EXT1: variants seen among roughly 807,000 people sequenced by gnomAD.
EXT1 encodes exostosin-1.
In EXT1, 20 loss-of-function variants were observed where a neutral mutation model predicts 82.5. The observed-to-expected ratio is 0.24, with a 90% CI of 0.17 to 0.35. The LOEUF is 0.35. EXT1 is among the 10% of genes least tolerant of loss of function. The probability of loss-of-function intolerance (pLI) is 1.00; values close to 1 mark genes in which losing one functional copy is unlikely to be tolerated. For missense variants in EXT1, 757 were observed against 936.5 expected, an observed-to-expected ratio of 0.81 and a Z score of 2.50; for synonymous variants, 348 against 350.8, an observed-to-expected ratio of 0.99 and a Z score of 0.09.
At chr8:117,958,915 A>T (rs1013058580) in intron 1 of EXT1, among the ~76,000 whole-genome samples, 1 of 151,994 alleles carries the variant, frequency 6.6e-6, no homozygotes, top group Non-Finnish European at 1.5e-5. Flanking sequence ...AAACATTCCC[A>T]TTTTACTCCA....
chr8:118,046,591 G>C (rs1464546727), intron 1 of EXT1, among the ~76,000 whole-genome samples: 1 of 152,162 alleles, frequency 6.6e-6, no homozygotes, highest in Non-Finnish European at 1.5e-5. Context: ...CTCTGCCTCT[G>C]CTGCCTCTGA....
At chr8:117,935,207 A>T (rs774620901) in intron 1 of EXT1, among the ~76,000 whole-genome samples, 1 of 152,150 alleles carries the variant, frequency 6.6e-6, no homozygotes, top group African/African-American at 2.4e-5. Flanking sequence ...AGCTGTAGGG[A>T]CAGGAGCTAA....
chr8:118,046,907 A>G (rs1563639542), intron 1 of EXT1, among the ~76,000 whole-genome samples: 1 of 152,224 alleles, frequency 6.6e-6, no homozygotes, highest in Non-Finnish European at 1.5e-5. Flanking sequence ...ACATATATTC[A>G]CCAAGACTTC....
intron 1 of EXT1, among the ~76,000 whole-genome samples, chr8:117,927,283 T>C (rs1304748438): frequency 6.6e-6 from 1 of 152,136 alleles, no homozygotes; most frequent in Non-Finnish European, 1.5e-5. Context: ...AGGCAGAAAC[T>C]CACTGTCTTA....
At chr8:117,848,201 G>A (rs1191647916) in intron 1 of EXT1, among the ~76,000 whole-genome samples, 1 of 152,196 alleles carries the variant, frequency 6.6e-6, no homozygotes, top group East Asian at 1.9e-4. Context: ...AGATACATGG[G>A]TGTATCCATG....
intron 1 of EXT1, among the ~76,000 whole-genome samples, chr8:117,979,740 A>G (rs1034312352): frequency 5.9e-5 from 9 of 152,230 alleles, no homozygotes; most frequent in Admixed American, 5.9e-4. Flanking sequence ...TTGAATGGGT[A>G]GAATGACTCT....
At chr8:117,831,740 T>A (rs773122779) in intron 3 of EXT1, 1 of 464,008 alleles carries the variant, frequency 2.2e-6, no homozygotes, top group Non-Finnish European at 4.5e-6. Flanking sequence ...AGAGTTTCCA[T>A]TGGAGGGGAA....
chr8:117,829,289 T>A (rs1812057652), intron 4 of EXT1, among the ~76,000 whole-genome samples: 1 of 152,122 alleles, frequency 6.6e-6, no homozygotes, highest in Admixed American at 6.6e-5. Flanking sequence ...TCCTTTTTCT[T>A]TTTCCGTCCT....
chr8:117,995,133 C>T (rs931632466), intron 1 of EXT1, among the ~76,000 whole-genome samples: 1 of 152,104 alleles, frequency 6.6e-6, no homozygotes, highest in Non-Finnish European at 1.5e-5. Context: ...TTTTTAAGAT[C>T]TTAAAAATAG....
intron 1 of EXT1, among the ~76,000 whole-genome samples, chr8:118,095,908 T>A (rs1429846723): frequency 6.6e-6 from 1 of 152,204 alleles, no homozygotes; most frequent in Non-Finnish European, 1.5e-5. Flanking sequence ...CGATTTTAAA[T>A]GGAGGAAATG....
At chr8:117,891,713 A>G (rs555768096) in intron 1 of EXT1, among the ~76,000 whole-genome samples, 1 of 152,222 alleles carries the variant, frequency 6.6e-6, no homozygotes, top group Admixed American at 6.5e-5. Flanking sequence ...CACATAAAAA[A>G]TATTCAGAAG....
At position 117,798,868 on chromosome 8, in the gene EXT1, A is replaced by G. The variant is rs914176609; in HGVS notation, c.*844T>C. Reference sequence around the variant, plus strand: ...ACTTAGGTCAATGGTTGAATCTATAACCGTGCCCCCAACCCCTGCAAGTAT... The same window carrying G: ...ACTTAGGTCAATGGTTGAATCTATAGCCGTGCCCCCAACCCCTGCAAGTAT... On this transcript the variant is annotated 3_prime_UTR_variant, in exon 11 of 11. Coordinates refer to ENST00000378204, the MANE Select transcript of EXT1 (RefSeq NM_000127.3). 6.6e-6 allele frequency: 1 copy of G among 152,226 alleles called. No homozygotes were observed. Among genetic ancestry groups the G allele is most frequent in the African/African-American group, 2.4e-5 (1 of 41,452 alleles). The allele number at this position is 152,226 out of a possible 1,614,324, so 9.4% of individuals were successfully genotyped here. A position where few individuals can be genotyped will look rare whatever the true frequency, so the allele number is the denominator to read the frequency against.
At position 117,974,560 on chromosome 8, in the gene EXT1, C is replaced by T. The variant is rs970972686; in HGVS notation, c.962+135525G>A. 2.6e-5 allele frequency among the ~76,000 whole-genome samples: 4 copies of T among 152,246 alleles called. No individual in the cohort carries two copies. The East Asian group carries it at 7.7e-4, about 29-fold the overall frequency. On this transcript the variant is annotated intron_variant, in intron 1 of 10. Coordinates refer to ENST00000378204, the MANE Select transcript of EXT1 (RefSeq NM_000127.3). The stretch of plus-strand genomic sequence containing the variant: ...ACAGCTCACTGCAGCCTTGACCTCT[C>T]CAGCTCAATCAATCCTCCCATCTCA...
chr8:118,062,584 T>C (rs561162243), intron 1 of EXT1, among the ~76,000 whole-genome samples: 1 of 152,210 alleles, frequency 6.6e-6, no homozygotes, highest in Non-Finnish European at 1.5e-5. Context: ...GAAGGAATCA[T>C]ATGTTAACAG....
intron 1 of EXT1, among the ~76,000 whole-genome samples, chr8:117,906,063 C>T (rs73704828): frequency 0.05 from 7,674 of 152,238 alleles, 653 homozygotes; most frequent in African/African-American, 0.17. Context: ...ACCAACTCTG[C>T]TTCCTCATTC....
Position 118,110,741 on chromosome 8 carries a change from G to C in EXT1, c.306C>G (p.Ser102=), listed in dbSNP as rs749210579. 5.6e-6 allele frequency: 9 copies of C among 1,614,198 alleles called. No homozygotes were observed. The South Asian group carries it at 9.9e-5, about 18-fold the overall frequency. ...TCTTGCAAAGGGTGAAATCGAAGCAGGACTCCATGCGGCACTTCTTGCCTT... is the reference window on the plus strand; with the variant it reads ...TCTTGCAAAGGGTGAAATCGAAGCACGACTCCATGCGGCACTTCTTGCCTT... The part of the protein sequence containing the change: ...IYKGKKCRME[S]CFDFTLCKKN... The change falls in exon 1 of 11, where the codon TCC becomes TCG. Residue 102 remains serine, a synonymous_variant. Transcript: ENST00000378204.
In EXT1 at chr8:117,854,115, G is replaced by A. The variant is rs190918350; in HGVS notation, c.963-16914C>T. Among the ~76,000 whole-genome samples, 7 of 152,344 alleles carry A rather than the reference G, an allele frequency of 4.6e-5. No individual in the cohort carries two copies. In the East Asian group the frequency reaches 1.3e-3, roughly 29 times the overall value. On this transcript the variant is annotated intron_variant, in intron 1 of 10. Coordinates refer to ENST00000378204, the MANE Select transcript of EXT1 (RefSeq NM_000127.3). ...CCTAAGATGACATCTTTCTGCTATG[G>A]TGACAAGTCCTTCCCATTGACTCTA... is the stretch of plus-strand genomic sequence containing the variant.
chr8:117,811,720 G>A (rs1176589331), intron 8 of EXT1, among the ~76,000 whole-genome samples: 2 of 151,750 alleles, frequency 1.3e-5, no homozygotes, highest in East Asian at 1.9e-4. Flanking sequence ...AGGTTCAAGC[G>A]ATTCTCCTGC....
chr8:117,982,504 T>A (rs981437497), intron 1 of EXT1, among the ~76,000 whole-genome samples: 7 of 152,150 alleles, frequency 4.6e-5, no homozygotes, highest in Admixed American at 3.9e-4. Context: ...ATTACTTTTT[T>A]TTTTGAGACG....
Sources: allele counts gnomAD v4.1 joint callset (sites outside exome capture counted in the v4.1 genomes callset), GRCh38; gene constraint gnomAD v4.1.1; transcripts MANE v1.5; gene names NCBI Gene and HGNC (gene_info 2026-07-23, HGNC 2026-07-21).